The following BEND5 variants were observed in gnomAD, a reference collection of about 807,000 sequenced individuals.
BEND5 encodes BEN domain-containing protein 5.
A neutral mutation model predicts 43.9 loss-of-function variants in BEND5; 22 were observed. That is an observed-to-expected ratio of 0.50 (90% CI 0.36 to 0.72). BEND5 has a LOEUF of 0.72. BEND5 is among the 30% of genes least tolerant of loss of function. The pLI, the probability that BEND5 is intolerant of heterozygous loss-of-function variation, is 0.00. For synonymous variants in BEND5, 228 were observed against 225.9 expected, an observed-to-expected ratio of 1.01 and a Z score of -0.08; for missense variants, 428 against 550.6, an observed-to-expected ratio of 0.78 and a Z score of 2.23.
chr1:48,747,132 C>A (rs1373380509), intron 3 of BEND5, among the ~76,000 whole-genome samples: 1 of 152,186 alleles, frequency 6.6e-6, no homozygotes, highest in African/African-American at 2.4e-5. Flanking sequence ...ACACATGTGA[C>A]CAAATTAGCC....
chr1:48,729,137 G>A lies in BEND5; in HGVS notation c.1109-1094C>T, dbSNP rs567272889. Among the ~76,000 whole-genome samples, 66 of 152,284 alleles carry A rather than the reference G, an allele frequency of 4.3e-4. 1 individual carries two copies. In the Middle Eastern group the frequency reaches 0.017, roughly 40 times the overall value. ...TTTTTAATGCTGCCATGAGGCATGT[G>A]GGATAAACATGTTGCCTTTTTCAAG... On this transcript the variant is annotated intron_variant, in intron 5 of 5. Coordinates refer to ENST00000371833, the MANE Select transcript of BEND5 (RefSeq NM_024603.4).
In BEND5 at chr1:48,751,401, CTG is replaced by C. The variant is rs367585713; in HGVS notation, c.745+7497_745+7498del. On this transcript the variant is annotated intron_variant, in intron 3 of 5. Coordinates refer to ENST00000371833, the MANE Select transcript of BEND5 (RefSeq NM_024603.4). ...CACAGAAGCACATGGCTAAGGGACTCTGTGATCAGACTGCCTGACGCATGGCA... is the reference window on the plus strand; with the variant it reads ...CACAGAAGCACATGGCTAAGGGACTCTGATCAGACTGCCTGACGCATGGCA... 1.8e-3 allele frequency among the ~76,000 whole-genome samples: 272 copies of C among 152,302 alleles called. 5 individuals carry two copies. The South Asian group carries it at 0.046, about 26-fold the overall frequency.
intron 4 of BEND5, among the ~76,000 whole-genome samples, chr1:48,739,734 C>G (rs1432320098): frequency 6.6e-6 from 1 of 152,246 alleles, no homozygotes; most frequent in Non-Finnish European, 1.5e-5. Context: ...GACACAGCAA[C>G]TGTTACATCC....
At position 48,727,630 on chromosome 1, in the gene BEND5, C is replaced by G. The variant is rs539831020; in HGVS notation, c.*256G>C. On this transcript the variant is annotated 3_prime_UTR_variant, in exon 6 of 6. Coordinates refer to ENST00000371833, the MANE Select transcript of BEND5 (RefSeq NM_024603.4). ...CCAGTCAAGTGACAGGCAACTCAGGCAACCTTATCCCCCTCCAAGAAGAGT... is the reference window on the plus strand; with the variant it reads ...CCAGTCAAGTGACAGGCAACTCAGGGAACCTTATCCCCCTCCAAGAAGAGT... The G allele has an allele frequency of 3.6e-6, 1 of 275,134 alleles. No individual in the cohort carries two copies. The highest frequency in any genetic ancestry group is 6.4e-5 in the East Asian group (1 of 15,626). The allele number at this position is 275,134 out of a possible 1,614,324, so 17.0% of individuals were successfully genotyped here.
intron 3 of BEND5, among the ~76,000 whole-genome samples, chr1:48,744,216 T>C (rs1650377151): frequency 6.6e-6 from 1 of 152,212 alleles, no homozygotes; most frequent in Non-Finnish European, 1.5e-5. Context: ...TCTTATTCTT[T>C]CCTTTGTCCC....
chr1:48,752,033 T>A (rs1651821151), intron 3 of BEND5, among the ~76,000 whole-genome samples: 1 of 152,204 alleles, frequency 6.6e-6, no homozygotes, highest in South Asian at 2.1e-4. Flanking sequence ...CTAGGTCTCT[T>A]CCTGCCATCT....
intron 4 of BEND5, among the ~76,000 whole-genome samples, chr1:48,740,078 T>C (rs1296851874): frequency 6.6e-6 from 1 of 152,242 alleles, no homozygotes; most frequent in Admixed American, 6.5e-5. Flanking sequence ...GGAACTGTTT[T>C]TCACTTCTGA....
At chr1:48,746,481 T>A (rs78833187) in intron 3 of BEND5, among the ~76,000 whole-genome samples, 16,240 of 152,276 alleles carry the variant, frequency 0.11, 1,060 homozygotes, top group Admixed American at 0.16. Flanking sequence ...ACTGATAGAC[T>A]TCTGTCAAAT....
intron 2 of BEND5, 194 bp from the exon 3 acceptor site, chr1:48,759,478 G>A: frequency 8.9e-7 from 1 of 1,127,322 alleles, no homozygotes; most frequent in Non-Finnish European, 1.2e-6. Flanking sequence ...TATAAATGGG[G>A]TTCCGAGTGG....
intron 3 of BEND5, among the ~76,000 whole-genome samples, chr1:48,744,114 A>C (rs1411358460): frequency 6.6e-6 from 1 of 152,178 alleles, no homozygotes. Flanking sequence ...CAGATATAGA[A>C]CCTGGCAGAG....
intron 1 of BEND5, among the ~76,000 whole-genome samples, chr1:48,773,484 G>A (rs746518951): frequency 1.2e-4 from 19 of 152,236 alleles, no homozygotes; most frequent in Non-Finnish European, 2.5e-4. Flanking sequence ...AGAGATAGGC[G>A]GGTGGGGGAC....
intron 1 of BEND5, among the ~76,000 whole-genome samples, chr1:48,773,134 C>T (rs1644916546): frequency 6.6e-6 from 1 of 152,086 alleles, no homozygotes; most frequent in South Asian, 2.1e-4. Flanking sequence ...AGTAAGGAGA[C>T]ATCTGAAACA....
rs11205535 is a variant in BEND5, at chr1:48,745,247, G to A, written c.746-2476C>T. ...AAGTAAAGTCCTGCTGCTGAGTAGA[G>A]GTGCTTGAGGGTAGAGGCATGGACA... On this transcript the variant is annotated intron_variant, in intron 3 of 5. Transcript: ENST00000371833. Among the ~76,000 whole-genome samples, 491 of 152,290 alleles carry A rather than the reference G, an allele frequency of 3.2e-3. 2 individuals carry two copies. Among genetic ancestry groups the A allele is most frequent in the African/African-American group, 0.011 (464 of 41,560 alleles).
chr1:48,764,817 A>G (rs1460647840), intron 1 of BEND5, among the ~76,000 whole-genome samples: 1 of 152,212 alleles, frequency 6.6e-6, no homozygotes, highest in Admixed American at 6.5e-5. Flanking sequence ...TGAAAACAAT[A>G]GAGCCCCGTG....
At chr1:48,756,686 G>C (rs1643948469) in intron 3 of BEND5, among the ~76,000 whole-genome samples, 1 of 152,174 alleles carries the variant, frequency 6.6e-6, no homozygotes, top group African/African-American at 2.4e-5. Flanking sequence ...TATTCTTGCG[G>C]ATTTGTCTTG....
At chr1:48,730,827 T>A (rs1371444494) in intron 5 of BEND5, among the ~76,000 whole-genome samples, 1 of 152,134 alleles carries the variant, frequency 6.6e-6, no homozygotes, top group Non-Finnish European at 1.5e-5. Context: ...TTATAAAAAT[T>A]AACCGGAACG....
intron 3 of BEND5, among the ~76,000 whole-genome samples, chr1:48,743,009 C>T (rs1227899067): frequency 2.0e-5 from 3 of 152,186 alleles, no homozygotes; most frequent in Admixed American, 1.3e-4. Context: ...GAATGAAGAG[C>T]ACTCTTCCAG....
intron 1 of BEND5, among the ~76,000 whole-genome samples, chr1:48,766,542 G>A (rs977525153): frequency 1.3e-5 from 2 of 152,214 alleles, no homozygotes; most frequent in Non-Finnish European, 2.9e-5. Context: ...ACAGAAACAA[G>A]TTGTGGCCAA....
intron 5 of BEND5, 71 bp from the exon 6 acceptor site, chr1:48,728,114 A>AAG (rs2148544615): frequency 7.2e-7 from 1 of 1,394,720 alleles, no homozygotes; most frequent in East Asian, 2.3e-5. Flanking sequence ...AGGAGGGTAA[A>AAG]AGAAAATGTA....
Sources: allele counts gnomAD v4.1 joint callset (sites outside exome capture counted in the v4.1 genomes callset), GRCh38; gene constraint gnomAD v4.1.1; transcripts MANE v1.5; gene names NCBI Gene and HGNC (gene_info 2026-07-23, HGNC 2026-07-21).